Variants in PIK3R5 observed in about 807,000 individuals in gnomAD.
PIK3R5 encodes the protein phosphoinositide-3-kinase regulatory subunit 5.
PIK3R5 carries 32 observed loss-of-function variants against 94.9 expected under a neutral mutation model. The observed-to-expected ratio is 0.34, with a 90% CI of 0.25 to 0.45. The LOEUF is 0.45. Ranked by LOEUF, PIK3R5 falls within the 20% of genes least tolerant of loss-of-function variation. The pLI, the probability that PIK3R5 is intolerant of heterozygous loss-of-function variation, is 1.00. For missense variants in PIK3R5, 853 were observed against 1,144.6 expected, an observed-to-expected ratio of 0.75 and a Z score of 3.68; for synonymous variants, 443 against 479.4, an observed-to-expected ratio of 0.92 and a Z score of 0.99.
intron 1 of PIK3R5, among the ~76,000 whole-genome samples, chr17:8,928,784 A>G (rs575672106): frequency 4.6e-5 from 7 of 152,340 alleles, no homozygotes; most frequent in African/African-American, 1.4e-4. Context: ...AAAAAAGGAT[A>G]ATAAAAGAAA....
At position 8,904,970 on chromosome 17, in the gene PIK3R5, A is replaced by G; in HGVS notation, c.274-55T>C. On this transcript the variant is annotated intron_variant, in intron 4 of 18. Coordinates refer to ENST00000447110, the MANE Select transcript of PIK3R5 (RefSeq NM_001142633.3). This position sits in a 1 kb window ranked among gnomAD's most constrained non-coding sequence, Gnocchi z 5.1. ...GATCTAGGTGAGAAAAGGCTCAGAT[A>G]GTCCCAGACAGCTTCTGCTCCCTTT... 6.4e-7 allele frequency: 1 copy of G among 1,555,040 alleles called. No individual in the cohort carries two copies. The highest frequency in any genetic ancestry group is 8.8e-7 in the Non-Finnish European group (1 of 1,140,296).
rs567772497 is a variant in PIK3R5 at position 8,933,592 on chromosome 17, C to T, written c.-13-22085G>A. The stretch of plus-strand genomic sequence containing the variant: ...CTGATGTCAAAACCAGACAAGAACA[C>T]TACCAAACAAAGAATAGTACAGATC... On this transcript the variant is annotated intron_variant, in intron 1 of 18. Coordinates refer to ENST00000447110, the MANE Select transcript of PIK3R5 (RefSeq NM_001142633.3). Among the ~76,000 whole-genome samples, 3 of 152,180 alleles carry T rather than the reference C, an allele frequency of 2.0e-5. No individual in the cohort carries two copies. The South Asian group carries it at 6.2e-4, about 32-fold the overall frequency.
chr17:8,893,750 G>A lies in PIK3R5; in HGVS notation c.413-95C>T. On this transcript the variant is annotated intron_variant, in intron 5 of 18. Coordinates refer to ENST00000447110, the MANE Select transcript of PIK3R5 (RefSeq NM_001142633.3). This position sits in a 1 kb window ranked among gnomAD's most constrained non-coding sequence, Gnocchi z 5.1. ...GAGCCAAGCACTGGACAATCAGGTT[G>A]GAAATTCCCGGATGGAGCTCAGGCG... is the stretch of plus-strand genomic sequence containing the variant. 2 of 919,280 alleles carry A rather than the reference G, an allele frequency of 2.2e-6. No homozygotes were observed. Among genetic ancestry groups the A allele is most frequent in the Non-Finnish European group, 1.8e-6 (1 of 567,274 alleles). 56.9% of individuals were successfully genotyped at this position (919,280 alleles called of 1,614,324 possible). A position where few individuals can be genotyped will look rare whatever the true frequency, so the allele number is the denominator to read the frequency against.
chr17:8,882,629 A>G lies in PIK3R5; in HGVS notation c.2206-748T>C, dbSNP rs2151346883. On this transcript the variant is annotated intron_variant, in intron 15 of 18. Coordinates refer to ENST00000447110, the MANE Select transcript of PIK3R5 (RefSeq NM_001142633.3). This position sits in a 1 kb window ranked among gnomAD's most constrained non-coding sequence, Gnocchi z 4.1. ...CCGTCTATTCTCACTGTCTCCTTATACCTCTCAAGGCCTCTCAACCTCAAT... is the reference window on the plus strand; with the variant it reads ...CCGTCTATTCTCACTGTCTCCTTATGCCTCTCAAGGCCTCTCAACCTCAAT... 1 of 152,284 alleles carries G rather than the reference A, an allele frequency of 6.6e-6. No homozygotes were observed. The highest frequency in any genetic ancestry group is 1.5e-5 in the Non-Finnish European group (1 of 68,322). 9.4% of individuals were successfully genotyped at this position (152,284 alleles called of 1,614,324 possible).
chr17:8,918,894 T>G (rs1408958298), intron 1 of PIK3R5, among the ~76,000 whole-genome samples: 1 of 152,250 alleles, frequency 6.6e-6, no homozygotes, highest in Non-Finnish European at 1.5e-5. Context: ...GTCACTTCTT[T>G]GTGTTTTTTT....
rs1452486291 is a variant in PIK3R5, at chr17:8,901,271, A to G, written c.412+3506T>C. ...ACCTTTCAGAGTCCAGCGCCTCCTA[A>G]GGGTCTTCCTGATGTCCTAAATCTC... On this transcript the variant is annotated intron_variant, in intron 5 of 18. Coordinates refer to ENST00000447110, the MANE Select transcript of PIK3R5 (RefSeq NM_001142633.3). 3.9e-5 allele frequency among the ~76,000 whole-genome samples: 6 copies of G among 152,282 alleles called. No homozygotes were observed. The East Asian group carries it at 1.2e-3, about 29-fold the overall frequency.
rs369392585 is a variant in PIK3R5 at position 8,879,788 on chromosome 17, C to T, written c.*851G>A. 5.3e-5 allele frequency: 8 copies of T among 152,210 alleles called. No individual in the cohort carries two copies. The East Asian group carries it at 7.7e-4, about 15-fold the overall frequency. 9.4% of individuals were successfully genotyped at this position (152,210 alleles called of 1,614,324 possible). A position where few individuals can be genotyped will look rare whatever the true frequency, so the allele number is the denominator to read the frequency against. On this transcript the variant is annotated 3_prime_UTR_variant, in exon 19 of 19. Coordinates refer to ENST00000447110, the MANE Select transcript of PIK3R5 (RefSeq NM_001142633.3). The surrounding 1 kb of genome is among the most constrained non-coding windows in gnomAD (Gnocchi z 4.4). ...TACTGAACACCTACTGGGAGCTCGG[C>T]ACTGGGCTAGGTGCTTTGCAGACAA... is the stretch of plus-strand genomic sequence containing the variant.
intron 1 of PIK3R5, among the ~76,000 whole-genome samples, chr17:8,951,325 G>A (rs1477543221): frequency 6.6e-6 from 1 of 152,140 alleles, no homozygotes; most frequent in East Asian, 1.9e-4. Context: ...ACAATGTTGT[G>A]CAACCATCCC....
At position 8,922,342 on chromosome 17, in the gene PIK3R5, A is replaced by G. The variant is rs117442431; in HGVS notation, c.-13-10835T>C. Among the ~76,000 whole-genome samples the G allele has an allele frequency of 7.6e-3, 1,158 of 152,282 alleles. 5 individuals are homozygous for G. The highest frequency in any genetic ancestry group is 0.012 in the Non-Finnish European group (830 of 68,008). On this transcript the variant is annotated intron_variant, in intron 1 of 18. Transcript: ENST00000447110. ...GGGAATTAACATTCAGTTAATCCCC[A>G]AGACATTGATTACTTAGTTTGATAA...
intron 1 of PIK3R5, among the ~76,000 whole-genome samples, chr17:8,943,543 C>A (rs556530818): frequency 7.2e-5 from 11 of 152,102 alleles, no homozygotes; most frequent in Non-Finnish European, 1.5e-4. Flanking sequence ...GAGGCCGAGG[C>A]GGATGCATCA....
intron 1 of PIK3R5, among the ~76,000 whole-genome samples, chr17:8,949,724 A>C (rs1162262006): frequency 6.6e-6 from 1 of 152,156 alleles, no homozygotes; most frequent in Non-Finnish European, 1.5e-5. Context: ...ACGGATGCAA[A>C]GGCATAAGAA....
chr17:8,923,387 G>A (rs909614065), intron 1 of PIK3R5, among the ~76,000 whole-genome samples: 6 of 152,178 alleles, frequency 3.9e-5, no homozygotes, highest in African/African-American at 1.4e-4. Flanking sequence ...CGTTCTAGGT[G>A]TTTCTATGAA....
In PIK3R5 at chr17:8,931,699, C is replaced by T. The variant is rs565872842; in HGVS notation, c.-13-20192G>A. ...GACATTAGCTGAATACTAAGCTGTG[C>T]AGGGTAAGACCTCATGAAGCCTGGC... On this transcript the variant is annotated intron_variant, in intron 1 of 18. Coordinates refer to ENST00000447110, the MANE Select transcript of PIK3R5 (RefSeq NM_001142633.3). Among the ~76,000 whole-genome samples, 10 of 152,286 alleles carry T rather than the reference C, an allele frequency of 6.6e-5. No individual in the cohort carries two copies. The South Asian group carries it at 1.9e-3, about 28-fold the overall frequency.
chr17:8,934,234 A>T (rs2091034355), intron 1 of PIK3R5, among the ~76,000 whole-genome samples: 1 of 152,252 alleles, frequency 6.6e-6, no homozygotes, highest in Non-Finnish European at 1.5e-5. Context: ...AAGGTTACAG[A>T]ATACAAAGTC....
chr17:8,960,157 G>A (rs982801576), intron 1 of PIK3R5, among the ~76,000 whole-genome samples: 6 of 152,110 alleles, frequency 3.9e-5, no homozygotes, highest in Non-Finnish European at 8.8e-5. Flanking sequence ...CACAGGAGAG[G>A]GAGCCCACAT....
At chr17:8,885,378 G>A (rs866568627) in intron 14 of PIK3R5, among the ~76,000 whole-genome samples, 8 of 140,500 alleles carry the variant, frequency 5.7e-5, no homozygotes, top group African/African-American at 2.2e-4. Flanking sequence ...CCTGCCTCCC[G>A]GTACCCCTGC....
At chr17:8,957,922 C>T (rs1016319146) in intron 1 of PIK3R5, among the ~76,000 whole-genome samples, 34 of 152,190 alleles carry the variant, frequency 2.2e-4, no homozygotes, top group African/African-American at 8.0e-4. Context: ...GAGAAGGTAA[C>T]GTGCTTCCAA....
At chr17:8,899,749 C>T (rs541133820) in intron 5 of PIK3R5, among the ~76,000 whole-genome samples, 1 of 152,208 alleles carries the variant, frequency 6.6e-6, no homozygotes, top group South Asian at 2.1e-4. Flanking sequence ...TGTTGAAAAT[C>T]ATAGGAAAGG....
At chr17:8,905,822 C>A in intron 3 of PIK3R5, 85 bp from the exon 4 acceptor site, 42 of 620,600 alleles carry the variant, frequency 6.8e-5, no homozygotes, top group Non-Finnish European at 8.4e-5. Flanking sequence ...CTTCCTCATT[C>A]TAGCCTTTCT....
Sources: allele counts gnomAD v4.1 joint callset (sites outside exome capture counted in the v4.1 genomes callset), GRCh38; gene constraint gnomAD v4.1.1; non-coding constraint Gnocchi (gnomAD v3.1); transcripts MANE v1.5; gene names NCBI Gene and HGNC (gene_info 2026-07-23, HGNC 2026-07-21).